CSMD1: variants seen among roughly 807,000 people sequenced by gnomAD.
CSMD1 encodes the protein CUB and Sushi multiple domains 1.
CSMD1 carries 213 observed loss-of-function variants against 417.5 expected under a neutral mutation model. The ratio of observed to expected loss-of-function variants is 0.51; its 90% CI spans 0.46 to 0.57. The LOEUF (loss-of-function observed/expected upper bound fraction) is 0.57. CSMD1 is among the 20% of genes least tolerant of loss of function. CSMD1 has a pLI of 0.00. For synonymous variants in CSMD1, 2,862 were observed against 1,736.8 expected, an observed-to-expected ratio of 1.65 and a Z score of -16.11; for missense variants, 6,923 against 4,529.7, an observed-to-expected ratio of 1.53 and a Z score of -15.17.
chr8:4,046,505 G>A (rs142796430), intron 3 of CSMD1, among the ~76,000 whole-genome samples: 1 of 152,280 alleles, frequency 6.6e-6, no homozygotes, highest in Admixed American at 6.5e-5. Flanking sequence ...AGCATGTTTT[G>A]TGGTTGCTGT....
chr8:4,088,122 G>A (rs888319847), intron 3 of CSMD1, among the ~76,000 whole-genome samples: 1 of 152,162 alleles, frequency 6.6e-6, no homozygotes, highest in African/African-American at 2.4e-5. Flanking sequence ...AGCTGCAGTG[G>A]GGCTGTGAGG....
chr8:3,709,537 C>T (rs907658082), intron 6 of CSMD1, among the ~76,000 whole-genome samples: 1 of 152,016 alleles, frequency 6.6e-6, no homozygotes, highest in Non-Finnish European at 1.5e-5. Flanking sequence ...TTTGAATCAG[C>T]TGACTCAGGA....
At chr8:4,849,886 A>G (rs1361432881) in intron 1 of CSMD1, among the ~76,000 whole-genome samples, 2 of 152,190 alleles carry the variant, frequency 1.3e-5, no homozygotes, top group Non-Finnish European at 2.9e-5. Flanking sequence ...GCTCATGGGT[A>G]TATTAGAAAT....
chr8:3,969,863 G>T (rs563573333), intron 5 of CSMD1, among the ~76,000 whole-genome samples: 1 of 152,174 alleles, frequency 6.6e-6, no homozygotes, highest in Non-Finnish European at 1.5e-5. Flanking sequence ...TTTCTAGAAA[G>T]CTGTCAAATT....
rs1329640666 is a variant in CSMD1 at position 3,502,378 on chromosome 8, AAAAG to A, written c.1345-8656_1345-8653del. The stretch of plus-strand genomic sequence containing the variant: ...AGACTTCATCTCAAAAAAAAAAAAA[AAAAG>A]AAGTATTTCCACACAACAAACAACT... On this transcript the variant is annotated intron_variant, in intron 10 of 69. Transcript: ENST00000635120. Among the ~76,000 whole-genome samples the A allele has an allele frequency of 2.6e-5, 4 of 151,532 alleles. No homozygotes were observed. In the East Asian group the frequency reaches 7.7e-4, roughly 29 times the overall value.
chr8:4,031,220 G>C (rs753965652), intron 4 of CSMD1, among the ~76,000 whole-genome samples: 3 of 152,100 alleles, frequency 2.0e-5, no homozygotes, highest in Non-Finnish European at 4.4e-5. Flanking sequence ...CCAATCTATT[G>C]TATTAGTTCA....
At chr8:2,980,180 G>A (rs927388863) in intron 54 of CSMD1, among the ~76,000 whole-genome samples, 1 of 152,212 alleles carries the variant, frequency 6.6e-6, no homozygotes, top group African/African-American at 2.4e-5. Flanking sequence ...ATTTCAAACT[G>A]TGTTTGTAAT....
chr8:4,621,717 G>C (rs780757940), intron 2 of CSMD1, among the ~76,000 whole-genome samples: 1 of 151,780 alleles, frequency 6.6e-6, no homozygotes, highest in Non-Finnish European at 1.5e-5. Flanking sequence ...TCTTAAAAAG[G>C]CTACAAAAAA....
chr8:4,767,558 TG>T (rs1179174553), intron 1 of CSMD1, among the ~76,000 whole-genome samples: 1 of 152,160 alleles, frequency 6.6e-6, no homozygotes, highest in Non-Finnish European at 1.5e-5. Context: ...CTGTGTGTTC[TG>T]GGGCCTCTCC....
At chr8:3,082,593 G>C (rs1253598563) in intron 49 of CSMD1, among the ~76,000 whole-genome samples, 1 of 152,236 alleles carries the variant, frequency 6.6e-6, no homozygotes, top group Non-Finnish European at 1.5e-5. Context: ...CCCGCCTGCA[G>C]TGCGTAACTC....
chr8:4,660,388 G>T (rs939594930), intron 1 of CSMD1, among the ~76,000 whole-genome samples: 1 of 151,982 alleles, frequency 6.6e-6, no homozygotes, highest in East Asian at 1.9e-4. Flanking sequence ...AAACACGAAA[G>T]TAATGATTAA....
At chr8:3,902,615 G>T (rs1470781618) in intron 5 of CSMD1, among the ~76,000 whole-genome samples, 1 of 151,980 alleles carries the variant, frequency 6.6e-6, no homozygotes, top group Non-Finnish European at 1.5e-5. Context: ...TGTCGCCGCC[G>T]ATCTGAGAGG....
At chr8:4,798,039 T>G (rs1021588559) in intron 1 of CSMD1, among the ~76,000 whole-genome samples, 1 of 152,252 alleles carries the variant, frequency 6.6e-6, no homozygotes, top group Non-Finnish European at 1.5e-5. Flanking sequence ...ATACTTTAAG[T>G]TCTAGGGTAC....
At chr8:4,283,771 G>T (rs1275285148) in intron 3 of CSMD1, among the ~76,000 whole-genome samples, 1 of 89,918 alleles carries the variant, frequency 1.1e-5, no homozygotes, top group African/African-American at 3.6e-5. Context: ...TTCTGGACAT[G>T]AACCAAAAGG....
intron 7 of CSMD1, among the ~76,000 whole-genome samples, chr8:3,658,825 G>C (rs1224456204): frequency 6.6e-6 from 1 of 152,086 alleles, no homozygotes; most frequent in Non-Finnish European, 1.5e-5. Context: ...AATTTTGTTT[G>C]AATTATGGTT....
intron 2 of CSMD1, among the ~76,000 whole-genome samples, chr8:4,530,117 G>C (rs1273791139): frequency 6.6e-6 from 1 of 151,460 alleles, no homozygotes; most frequent in East Asian, 2.0e-4. Flanking sequence ...GTTTCACCGT[G>C]TTAGCCAGGA....
At chr8:3,168,373 C>T (rs148443204) in intron 37 of CSMD1, among the ~76,000 whole-genome samples, 25 of 152,202 alleles carry the variant, frequency 1.6e-4, no homozygotes, top group East Asian at 3.9e-4. Flanking sequence ...TTTCTAGATG[C>T]GCACAGGTAT....
intron 1 of CSMD1, among the ~76,000 whole-genome samples, chr8:4,845,617 C>T (rs1191634604): frequency 1.3e-5 from 2 of 152,170 alleles, no homozygotes; most frequent in Non-Finnish European, 2.9e-5. Context: ...GCCAGGCTCT[C>T]TTTTAGGAGC....
intron 1 of CSMD1, among the ~76,000 whole-genome samples, chr8:4,870,270 A>T (rs2116910776): frequency 6.6e-6 from 1 of 152,248 alleles, no homozygotes; most frequent in Non-Finnish European, 1.5e-5. Flanking sequence ...TTCCCTCTAT[A>T]ACTTTTTATA....
Sources: gnomAD v4.1 joint callset for allele counts (sites outside exome capture counted in the v4.1 genomes callset) on GRCh38, gnomAD v4.1.1 for gene constraint, MANE v1.5 for transcripts, NCBI Gene and HGNC (gene_info 2026-07-23, HGNC 2026-07-21) for gene names.